Variants in IKZF2 observed in about 807,000 individuals in gnomAD.
The protein encoded by IKZF2 is IKAROS family zinc finger 2.
IKZF2 carries 15 observed loss-of-function variants against 49.2 expected under a neutral mutation model. The ratio of observed to expected loss-of-function variants is 0.30; its 90% CI spans 0.20 to 0.47. The LOEUF (loss-of-function observed/expected upper bound fraction) is 0.47. IKZF2 is among the 20% of genes least tolerant of loss of function. IKZF2 has a pLI of 1.00. For synonymous variants in IKZF2, 227 were observed against 221.4 expected (o/e 1.03, Z -0.23); for missense variants, 567 against 664.6 (o/e 0.85, Z 1.61).
chr2:213,068,758 T>C (rs973799508), intron 4 of IKZF2, among the ~76,000 whole-genome samples: 6 of 152,058 alleles, frequency 3.9e-5, no homozygotes, highest in African/African-American at 1.4e-4. Context: ...ATATGCATAG[T>C]AATATACTGG....
chr2:213,040,866 C>T (rs1002961037), intron 6 of IKZF2, among the ~76,000 whole-genome samples: 46 of 152,230 alleles, frequency 3.0e-4, no homozygotes, highest in African/African-American at 8.9e-4. Flanking sequence ...GCCTGTAATC[C>T]CAGCACTTTG....
intron 4 of IKZF2, among the ~76,000 whole-genome samples, chr2:213,067,749 TGC>T (rs1459108654): frequency 8.5e-5 from 13 of 152,066 alleles, no homozygotes; most frequent in African/African-American, 3.1e-4. Context: ...GTGAAAGGTA[TGC>T]ATATAGATAT....
At chr2:213,027,492 G>A (rs1175344420) in intron 6 of IKZF2, among the ~76,000 whole-genome samples, 1 of 152,046 alleles carries the variant, frequency 6.6e-6, no homozygotes, top group Non-Finnish European at 1.5e-5. Flanking sequence ...CCAGAACAAT[G>A]TCATAGGTCC....
chr2:213,065,843 T>C (rs1410731485), intron 4 of IKZF2, among the ~76,000 whole-genome samples: 1 of 151,984 alleles, frequency 6.6e-6, no homozygotes, highest in Non-Finnish European at 1.5e-5. Context: ...AAAACAGATG[T>C]CAATATGTTA....
chr2:213,092,154 T>G (rs1335754415), intron 4 of IKZF2, among the ~76,000 whole-genome samples: 1 of 152,010 alleles, frequency 6.6e-6, no homozygotes, highest in African/African-American at 2.4e-5. Flanking sequence ...GTCTCCTGAG[T>G]CGCTGGAACC....
At chr2:213,088,606 A>G (rs1704939418) in intron 4 of IKZF2, among the ~76,000 whole-genome samples, 1 of 152,088 alleles carries the variant, frequency 6.6e-6, no homozygotes, top group Non-Finnish European at 1.5e-5. Flanking sequence ...TAAAAACATA[A>G]AAATTAGCCA....
intron 4 of IKZF2, among the ~76,000 whole-genome samples, chr2:213,098,898 A>C (rs1203336152): frequency 6.6e-6 from 1 of 152,120 alleles, no homozygotes; most frequent in Admixed American, 6.6e-5. Flanking sequence ...TTGTTTCTCC[A>C]TTATCCAGTG....
At chr2:213,012,429 G>A (rs1696063769) in intron 8 of IKZF2, among the ~76,000 whole-genome samples, 1 of 151,768 alleles carries the variant, frequency 6.6e-6, no homozygotes, top group Admixed American at 6.6e-5. Context: ...CTACATTAGA[G>A]TCTAGTTAGA....
chr2:213,065,169 A>C (rs1049786573), intron 4 of IKZF2, among the ~76,000 whole-genome samples: 4 of 151,976 alleles, frequency 2.6e-5, no homozygotes, highest in African/African-American at 9.7e-5. Flanking sequence ...TTTCTGGGAT[A>C]CTTCCCCTAT....
intron 6 of IKZF2, among the ~76,000 whole-genome samples, chr2:213,043,801 A>G (rs2125288601): frequency 6.6e-6 from 1 of 152,324 alleles, no homozygotes; most frequent in South Asian, 2.1e-4. Flanking sequence ...ATGCTTGCTC[A>G]CTGCTGCTCA....
chr2:213,062,750 T>C (rs148630157), intron 4 of IKZF2, among the ~76,000 whole-genome samples: 43 of 152,104 alleles, frequency 2.8e-4, no homozygotes, highest in Middle Eastern at 3.4e-3. Context: ...TATACACTAA[T>C]TGAACCAATA....
At chr2:213,066,324 A>G (rs555772560) in intron 4 of IKZF2, among the ~76,000 whole-genome samples, 1 of 152,198 alleles carries the variant, frequency 6.6e-6, no homozygotes, top group South Asian at 2.1e-4. Flanking sequence ...GGCAACGGCA[A>G]CAGAGGGAGG....
At chr2:213,013,328 C>T (rs1035751100) in intron 8 of IKZF2, among the ~76,000 whole-genome samples, 1 of 151,424 alleles carries the variant, frequency 6.6e-6, no homozygotes, top group Admixed American at 6.6e-5. Flanking sequence ...TGGCGATGAC[C>T]TTGAGCAGTA....
chr2:213,061,940 T>C (rs1701737795), intron 4 of IKZF2, among the ~76,000 whole-genome samples: 1 of 151,624 alleles, frequency 6.6e-6, no homozygotes, highest in Admixed American at 6.6e-5. Context: ...GACATTTTAC[T>C]TTACTACTTT....
At chr2:213,106,346 A>G (rs944231545) in intron 4 of IKZF2, among the ~76,000 whole-genome samples, 2 of 150,846 alleles carry the variant, frequency 1.3e-5, no homozygotes, top group African/African-American at 2.4e-5. Context: ...ACTCTTACGA[A>G]AAAAAAAAAT....
chr2:213,095,960 A>G (rs1325538866), intron 4 of IKZF2, among the ~76,000 whole-genome samples: 1 of 152,012 alleles, frequency 6.6e-6, no homozygotes, highest in African/African-American at 2.4e-5. Flanking sequence ...TATCTTTAAC[A>G]ATAATTGATA....
At position 213,022,210 on chromosome 2, in the gene IKZF2, C is replaced by A. The variant is rs1574510066; in HGVS notation, c.575-80G>T. On this transcript the variant is annotated intron_variant, in intron 6 of 8. Coordinates refer to ENST00000434687, the MANE Select transcript of IKZF2 (RefSeq NM_001387220.1). ...AAATCAATAGCTAACTTTTGATAGT[C>A]TGGAGGAAGCACTCATATAATTTTC... is the stretch of plus-strand genomic sequence containing the variant. The A allele has an allele frequency of 1.7e-5, 22 of 1,303,424 alleles. No individual in the cohort carries two copies. In the East Asian group the frequency reaches 5.5e-4, roughly 33 times the overall value. 80.7% of individuals were successfully genotyped at this position (1,303,424 alleles called of 1,614,324 possible). A position where few individuals can be genotyped will look rare whatever the true frequency, so the allele number is the denominator to read the frequency against.
intron 6 of IKZF2, among the ~76,000 whole-genome samples, chr2:213,022,736 T>C (rs2125116892): frequency 6.6e-6 from 1 of 152,302 alleles, no homozygotes; most frequent in South Asian, 2.1e-4. Flanking sequence ...ATATTCTCCC[T>C]CATCAGCTTT....
chr2:213,025,298 T>C (rs377123994), intron 6 of IKZF2, among the ~76,000 whole-genome samples: 1 of 152,162 alleles, frequency 6.6e-6, no homozygotes, highest in African/African-American at 2.4e-5. Flanking sequence ...GAAGTGCTCA[T>C]TTTTATGAAA....
Sources: gnomAD v4.1 joint callset for allele counts (sites outside exome capture counted in the v4.1 genomes callset) on GRCh38, gnomAD v4.1.1 for gene constraint, MANE v1.5 for transcripts, NCBI Gene and HGNC (gene_info 2026-07-23, HGNC 2026-07-21) for gene names.